DGKH: variants seen among roughly 807,000 people sequenced by gnomAD.
DGKH encodes diacylglycerol kinase eta.
In DGKH, 90 loss-of-function variants were observed where a neutral mutation model predicts 159.3. The observed-to-expected ratio is 0.57, with a 90% CI of 0.48 to 0.67. The LOEUF (loss-of-function observed/expected upper bound fraction) is 0.67. Among genes scored for constraint, DGKH ranks in the 30% least tolerant of loss-of-function variants. The probability of loss-of-function intolerance (pLI) is 0.00; values close to 1 mark genes in which losing one functional copy is unlikely to be tolerated. For synonymous variants in DGKH, 536 were observed against 553.8 expected, an observed-to-expected ratio of 0.97 and a Z score of 0.45; for missense variants, 1,181 against 1,506.1, an observed-to-expected ratio of 0.78 and a Z score of 3.57.
intron 3 of DGKH, among the ~76,000 whole-genome samples, chr13:42,154,540 A>T (rs1482908550): frequency 6.6e-6 from 1 of 152,160 alleles, no homozygotes; most frequent in Non-Finnish European, 1.5e-5. Context: ...ACATGAGAAA[A>T]GATAAAAGTC....
chr13:42,114,329 C>A (rs1954924555), intron 1 of DGKH, among the ~76,000 whole-genome samples: 1 of 152,214 alleles, frequency 6.6e-6, no homozygotes, highest in South Asian at 2.1e-4. Context: ...TGAAGAGCTC[C>A]TAAAGATAGG....
At chr13:42,191,069 CTATTTTGGTAAGGAAATGAATATGTAA>C (rs1957050851) in intron 16 of DGKH, among the ~76,000 whole-genome samples, 1 of 152,128 alleles carries the variant, frequency 6.6e-6, no homozygotes, top group African/African-American at 2.4e-5. Flanking sequence ...TTTGTCAAAA[CTATTTTGGTAAGGAAATGAATATGTAA>C]TTGCTTGAAG....
chr13:42,110,852 C>T (rs978775610), intron 1 of DGKH, among the ~76,000 whole-genome samples: 6 of 152,250 alleles, frequency 3.9e-5, no homozygotes, highest in Non-Finnish European at 7.3e-5. Flanking sequence ...CTGCATGTAA[C>T]GGTACGTTAT....
chr13:42,050,411 C>A (rs1255822745), intron 1 of DGKH, among the ~76,000 whole-genome samples: 3 of 152,088 alleles, frequency 2.0e-5, no homozygotes, highest in Non-Finnish European at 4.4e-5. Context: ...TTCTGAAATA[C>A]ATGTGTGTAA....
In DGKH at chr13:42,255,838, C is replaced by A. The variant is rs573294403; in HGVS notation, n.4128-446C>A. The A allele has an allele frequency of 2.4e-5, 16 of 662,798 alleles. No homozygotes were observed. In the South Asian group the frequency reaches 3.9e-4, roughly 16 times the overall value. 41.1% of individuals were successfully genotyped at this position (662,798 alleles called of 1,614,324 possible). On this transcript the variant is annotated intron_variant and non_coding_transcript_variant, in intron 30 of 30. Coordinates refer to the DGKH transcript ENST00000498255. The stretch of plus-strand genomic sequence containing the variant: ...TATTTTAAGTAATATATAAAAAGGG[C>A]AGCCCATTTTTATCTTCAAAAAAGA...
rs796068272 is a variant in DGKH at position 42,186,017 on chromosome 13, GT to G, written c.1539-1031del. Among the ~76,000 whole-genome samples the G allele has an allele frequency of 5.2e-4, 46 of 88,570 alleles. No individual in the cohort carries two copies. The East Asian group carries it at 5.6e-3, about 11-fold the overall frequency. 58.1% of individuals were successfully genotyped at this position (88,570 alleles called of 152,430 possible). A position where few individuals can be genotyped will look rare whatever the true frequency, so the allele number is the denominator to read the frequency against. On this transcript the variant is annotated intron_variant, in intron 13 of 29. Coordinates refer to ENST00000337343, the MANE Select transcript of DGKH (RefSeq NM_178009.5). ...AGGAGTGGTGGTGGTGGTGGTGTGT[GT>G]GTGTGTGTGTGTGTGTGTGTGTGTG... is the stretch of plus-strand genomic sequence containing the variant.
chr13:42,192,261 G>GGCCAC (rs1957091167), intron 16 of DGKH, among the ~76,000 whole-genome samples: 5 of 152,126 alleles, frequency 3.3e-5, no homozygotes, highest in Middle Eastern at 3.2e-3. Context: ...TAGGACCCTT[G>GGCCAC]AAGCAGATGG....
chr13:42,156,082 C>G (rs956628546), intron 5 of DGKH, among the ~76,000 whole-genome samples: 4 of 151,906 alleles, frequency 2.6e-5, no homozygotes, highest in Admixed American at 2.0e-4. Flanking sequence ...GAGAGCAAAA[C>G]TTTTTGTGAG....
chr13:42,062,811 A>T (rs538800035), intron 1 of DGKH, among the ~76,000 whole-genome samples: 1 of 152,384 alleles, frequency 6.6e-6, no homozygotes, highest in Admixed American at 6.5e-5. Context: ...AATAAATGGC[A>T]TGTACTTGAA....
intron 26 of DGKH, among the ~76,000 whole-genome samples, chr13:42,218,040 A>G (rs954047486): frequency 2.6e-5 from 4 of 151,934 alleles, no homozygotes; most frequent in African/African-American, 9.7e-5. Context: ...GTCTCAAATC[A>G]TCATCATCAT....
intron 23 of DGKH, among the ~76,000 whole-genome samples, chr13:42,209,750 T>A (rs1957592868): frequency 1.3e-5 from 2 of 152,204 alleles, no homozygotes; most frequent in African/African-American, 4.8e-5. Flanking sequence ...ATTCCCCTGT[T>A]AACATCTTGC....
At chr13:42,206,368 T>C (rs964312267) in intron 21 of DGKH, among the ~76,000 whole-genome samples, 2 of 152,216 alleles carry the variant, frequency 1.3e-5, no homozygotes, top group African/African-American at 4.8e-5. Context: ...ATTCGTATCT[T>C]GGGATGTATG....
At chr13:42,186,692 A>G (rs1956935777) in intron 13 of DGKH, among the ~76,000 whole-genome samples, 2 of 152,228 alleles carry the variant, frequency 1.3e-5, no homozygotes, top group Admixed American at 1.3e-4. Flanking sequence ...TCAGCAATGT[A>G]ATTTCTGTTA....
chr13:42,050,199 C>T (rs1381736834), intron 1 of DGKH, among the ~76,000 whole-genome samples: 1 of 152,066 alleles, frequency 6.6e-6, no homozygotes. Flanking sequence ...GGTGAAACCC[C>T]ATGTCTATTA....
intron 3 of DGKH, among the ~76,000 whole-genome samples, chr13:42,145,190 T>G (rs573539670): frequency 6.2e-4 from 94 of 152,354 alleles, no homozygotes; most frequent in Non-Finnish European, 1.1e-3. Context: ...GGATCCAGTT[T>G]AAGCTTCGCT....
intron 1 of DGKH, among the ~76,000 whole-genome samples, chr13:42,094,423 T>TAG (rs1162874213): frequency 6.6e-6 from 1 of 152,158 alleles, no homozygotes; most frequent in Non-Finnish European, 1.5e-5. Flanking sequence ...AATCATAAAT[T>TAG]AGAGTTGGGC....
chr13:42,240,563 G>A lies in DGKH; in HGVS notation c.*11375G>A, dbSNP rs992386193. The A allele has an allele frequency of 6.6e-6, 1 of 152,132 alleles. No individual in the cohort carries two copies. The highest frequency in any genetic ancestry group is 2.4e-5 in the African/African-American group (1 of 41,410). The allele number at this position is 152,132 out of a possible 1,614,324, so 9.4% of individuals were successfully genotyped here. Reference sequence around the variant, plus strand: ...ACTTCAGAAAGAATCAAAAGCAATAGTGATGGTGGAATTTTTAAATAATAT... The same window carrying A: ...ACTTCAGAAAGAATCAAAAGCAATAATGATGGTGGAATTTTTAAATAATAT... On this transcript the variant is annotated 3_prime_UTR_variant, in exon 30 of 30. Coordinates refer to ENST00000337343, the MANE Select transcript of DGKH (RefSeq NM_178009.5).
chr13:42,097,567 G>T (rs1170193), intron 1 of DGKH, among the ~76,000 whole-genome samples: 2 of 151,898 alleles, frequency 1.3e-5, no homozygotes, highest in African/African-American at 4.8e-5. Flanking sequence ...CCGGCAACTG[G>T]GAGCCCAATA....
chr13:42,154,000 A>G (rs1566137294), intron 3 of DGKH: 2 of 152,242 alleles, frequency 1.3e-5, no homozygotes, highest in South Asian at 4.1e-4. Context: ...AGAGGCGGCA[A>G]TGACTCGTGA....
Sources: allele counts gnomAD v4.1 joint callset (sites outside exome capture counted in the v4.1 genomes callset), GRCh38; gene constraint gnomAD v4.1.1; transcripts MANE v1.5; gene names NCBI Gene and HGNC (gene_info 2026-07-23, HGNC 2026-07-21).